Variants in MAGOH observed in about 807,000 individuals in gnomAD.
MAGOH encodes protein mago nashi homolog.
MAGOH carries 3 observed loss-of-function variants against 20.9 expected under a neutral mutation model. The ratio of observed to expected loss-of-function variants is 0.14; its 90% CI spans 0.07 to 0.37. The LOEUF (loss-of-function observed/expected upper bound fraction) is 0.37. MAGOH is among the 10% of genes least tolerant of loss of function. MAGOH has a pLI of 1.00. For synonymous variants in MAGOH, 51 were observed against 61.0 expected (o/e 0.84, Z 0.76); for missense variants, 66 against 178.1 (o/e 0.37, Z 3.58).
chr1:53,230,449 ACT>A (rs1487222990), intron 3 of MAGOH, among the ~76,000 whole-genome samples: 2 of 152,050 alleles, frequency 1.3e-5, no homozygotes, highest in East Asian at 1.9e-4. Context: ...ACAGGATCTC[ACT>A]CTGTCACTGA....
intron 2 of MAGOH, among the ~76,000 whole-genome samples, chr1:53,234,244 C>T (rs921873756): frequency 3.3e-5 from 5 of 152,086 alleles, no homozygotes; most frequent in African/African-American, 4.8e-5. Flanking sequence ...AACTTGCCAG[C>T]GCCTTGATCT....
At chr1:53,230,499 C>T (rs911169891) in intron 3 of MAGOH, among the ~76,000 whole-genome samples, 2 of 152,168 alleles carry the variant, frequency 1.3e-5, no homozygotes, top group Non-Finnish European at 2.9e-5. Context: ...CTCACTGTAA[C>T]CCTGAGCTCC....
At chr1:53,234,933 G>A (rs1645604423) in intron 2 of MAGOH, among the ~76,000 whole-genome samples, 1 of 152,144 alleles carries the variant, frequency 6.6e-6, no homozygotes, top group Non-Finnish European at 1.5e-5. Context: ...GCAGGATTGG[G>A]AATTCCTGCT....
At chr1:53,233,347 A>G in intron 3 of MAGOH, 195 bp downstream of exon 3, 1 of 497,140 alleles carries the variant, frequency 2.0e-6, no homozygotes, top group Non-Finnish European at 3.6e-6. Context: ...AAATACATAC[A>G]CTGAATTATT....
chr1:53,233,905 C>T (rs1645598621), intron 2 of MAGOH: 1 of 332,578 alleles, frequency 3.0e-6, no homozygotes, highest in South Asian at 4.4e-5. Context: ...GCCCTTCTGC[C>T]TGCCCACATA....
Position 53,235,651 on chromosome 1 carries a change from A to C in MAGOH, c.89-16T>G. 3 of 1,604,404 alleles carry C rather than the reference A, an allele frequency of 1.9e-6. No individual in the cohort carries two copies. The highest frequency in any genetic ancestry group is 2.6e-6 in the Non-Finnish European group (3 of 1,171,842). The stretch of plus-strand genomic sequence containing the variant: ...CTTAACTTCCCTGTGGGGGCAAAAA[A>C]CAATTTCAACGTATAATAAAAACAT... On this transcript the variant is annotated splice_polypyrimidine_tract_variant and intron_variant, in intron 1 of 4. Coordinates refer to ENST00000371470, the MANE Select transcript of MAGOH (RefSeq NM_002370.4).
chr1:53,229,059 C>G, intron 3 of MAGOH, 105 bp from the exon 4 acceptor site: 1 of 747,256 alleles, frequency 1.3e-6, no homozygotes, highest in South Asian at 1.5e-5. Context: ...CTACAGATGG[C>G]CACAAAAACA....
intron 3 of MAGOH, 22 bp from the exon 4 acceptor site, chr1:53,228,976 G>A (rs1308243854): frequency 4.0e-6 from 6 of 1,510,108 alleles, no homozygotes; most frequent in African/African-American, 2.7e-5. Context: ...TTAGAAAATC[G>A]AAGTCAAGTA....
rs573224212 is a variant in MAGOH at position 53,229,494 on chromosome 1, T to C, written c.259-540A>G. ...GTCTCGAACTCCTGACCTCAGGTGA[T>C]CCGCCTGCCTCAGCCTCTCAAGTGC... On this transcript the variant is annotated intron_variant, in intron 3 of 4. Transcript: ENST00000371470. Among the ~76,000 whole-genome samples, 4 of 152,300 alleles carry C rather than the reference T, an allele frequency of 2.6e-5. No individual in the cohort carries two copies. The South Asian group carries it at 6.2e-4, about 24-fold the overall frequency.
chr1:53,227,853 T>A (rs954497866), intron 4 of MAGOH, among the ~76,000 whole-genome samples: 3 of 152,108 alleles, frequency 2.0e-5, no homozygotes, highest in Admixed American at 1.3e-4. Context: ...TTAGGAAAAC[T>A]TTTTTAAAAA....
In MAGOH at chr1:53,227,009, T is replaced by TG; in HGVS notation, c.*35_*36insC. ...CCCTGATATACACAAAATTTTCTACTCCCACCCACCCCCCATGTCCACACC... is the reference window on the plus strand; with the variant it reads ...CCCTGATATACACAAAATTTTCTACTGCCCACCCACCCCCCATGTCCACACC... On this transcript the variant is annotated 3_prime_UTR_variant, in exon 5 of 5. Coordinates refer to ENST00000371470, the MANE Select transcript of MAGOH (RefSeq NM_002370.4). The TG allele has an allele frequency of 9.9e-6, 10 of 1,010,270 alleles. No individual in the cohort carries two copies. Among genetic ancestry groups the TG allele is most frequent in the Admixed American group, 2.4e-5 (1 of 41,826 alleles). 62.6% of individuals were successfully genotyped at this position (1,010,270 alleles called of 1,614,324 possible). A position where few individuals can be genotyped will look rare whatever the true frequency, so the allele number is the denominator to read the frequency against.
At chr1:53,232,332 A>G (rs1458184750) in intron 3 of MAGOH, among the ~76,000 whole-genome samples, 1 of 152,206 alleles carries the variant, frequency 6.6e-6, no homozygotes, top group Non-Finnish European at 1.5e-5. Context: ...CATGGGTACT[A>G]TTTTAGTCAC....
intron 3 of MAGOH, among the ~76,000 whole-genome samples, chr1:53,231,526 A>G (rs1645586164): frequency 6.6e-6 from 1 of 152,220 alleles, no homozygotes; most frequent in African/African-American, 2.4e-5. Flanking sequence ...CCATAAATAC[A>G]TTGTCAGCTG....
Position 53,228,890 on chromosome 1 carries a change from A to G in MAGOH, c.323T>C (p.Ile108Thr), listed in dbSNP as rs2100301787. 2 of 1,611,590 alleles carry G rather than the reference A, an allele frequency of 1.2e-6. No individual in the cohort carries two copies. Among genetic ancestry groups the G allele is most frequent in the East Asian group, 4.5e-5 (2 of 44,860 alleles). ...CACTTACTTGGATTGATTGACATCAATAAGGGAACCAATTTTTGATGTTGT... is the reference window on the plus strand; with the variant it reads ...CACTTACTTGGATTGATTGACATCAGTAAGGGAACCAATTTTTGATGTTGT... ...SFTTSKIGSLIDVNQSKDPEG... is the reference protein window; with the variant it reads ...SFTTSKIGSLTDVNQSKDPEG... Residue 108 changes from isoleucine (I) to threonine (T), a missense_variant, in exon 4 of 5, where the codon ATT becomes ACT. Physicochemically the swap from Ile to Thr is moderately conservative, Grantham distance 89. Transcript: ENST00000371470.
intron 3 of MAGOH, among the ~76,000 whole-genome samples, chr1:53,230,028 C>T (rs1229148383): frequency 6.6e-6 from 1 of 152,206 alleles, no homozygotes; most frequent in Non-Finnish European, 1.5e-5. Flanking sequence ...GATGTTGGAT[C>T]TCAATTTCCA....
At chr1:53,232,970 G>A (rs1388761564) in intron 3 of MAGOH, among the ~76,000 whole-genome samples, 1 of 152,114 alleles carries the variant, frequency 6.6e-6, no homozygotes, top group African/African-American at 2.4e-5. Flanking sequence ...GCATGGTGGA[G>A]GACGCCTGTA....
chr1:53,237,033 C>G (rs1645613898), intron 1 of MAGOH, among the ~76,000 whole-genome samples: 1 of 151,124 alleles, frequency 6.6e-6, no homozygotes, highest in African/African-American at 2.4e-5. Flanking sequence ...TTGCTGCAAC[C>G]TCCGCCCCAG....
At chr1:53,229,910 C>A (rs989412795) in intron 3 of MAGOH, among the ~76,000 whole-genome samples, 6 of 151,924 alleles carry the variant, frequency 3.9e-5, no homozygotes, top group African/African-American at 1.4e-4. Flanking sequence ...CAGAGTGAGA[C>A]CCTGTCTCCA....
intron 1 of MAGOH, among the ~76,000 whole-genome samples, chr1:53,237,431 T>C (rs866070013): frequency 9.3e-5 from 14 of 150,012 alleles, no homozygotes; most frequent in Middle Eastern, 3.4e-3. Flanking sequence ...TCCCAGCACT[T>C]TGGGACGCCG....
Sources: gnomAD v4.1 joint callset for allele counts (sites outside exome capture counted in the v4.1 genomes callset) on GRCh38, gnomAD v4.1.1 for gene constraint, MANE v1.5 for transcripts, NCBI Gene and HGNC (gene_info 2026-07-23, HGNC 2026-07-21) for gene names.